Variants in SRGAP3 observed in about 807,000 individuals in gnomAD.
SRGAP3 encodes the protein SLIT-ROBO Rho GTPase-activating protein 3.
Under a neutral mutation model 121.1 loss-of-function variants are expected in SRGAP3, and 39 were observed. That is an observed-to-expected ratio of 0.32 (90% CI 0.25 to 0.42). The LOEUF (loss-of-function observed/expected upper bound fraction) is 0.42, where lower values mean the gene tolerates loss of function less well. Among genes scored for constraint, SRGAP3 ranks in the 10% least tolerant of loss-of-function variants. The pLI, the probability that SRGAP3 is intolerant of heterozygous loss-of-function variation, is 1.00. For missense variants in SRGAP3, 1,213 were observed against 1,470.6 expected (o/e 0.82, Z 2.86); for synonymous variants, 601 against 570.0 (o/e 1.05, Z -0.77).
intron 2 of SRGAP3, among the ~76,000 whole-genome samples, chr3:9,120,387 A>G (rs968472994): frequency 2.6e-5 from 4 of 152,360 alleles, no homozygotes; most frequent in African/African-American, 9.6e-5. Flanking sequence ...AGCCATACCA[A>G]CTACCAGGCC....
At chr3:9,262,534 C>T (rs375232070) in intron 3 of SRGAP3, among the ~76,000 whole-genome samples, 2 of 25,582 alleles carry the variant, frequency 7.8e-5, no homozygotes, top group African/African-American at 2.5e-4. Context: ...AAATGGAAAG[C>T]AAAAAAAAAA....
At chr3:9,018,140 T>C (rs532484971) in intron 14 of SRGAP3, among the ~76,000 whole-genome samples, 1 of 152,366 alleles carries the variant, frequency 6.6e-6, no homozygotes, top group Non-Finnish European at 1.5e-5. Flanking sequence ...TCACTTAACA[T>C]AATGTCCTCC....
intron 3 of SRGAP3, among the ~76,000 whole-genome samples, chr3:9,103,074 C>T (rs537037714): frequency 3.3e-5 from 5 of 152,262 alleles, no homozygotes; most frequent in African/African-American, 9.6e-5. Context: ...CAATATGAAA[C>T]TTAGCCCACA....
chr3:9,191,492 G>A (rs919402653), intron 1 of SRGAP3, among the ~76,000 whole-genome samples: 1 of 152,208 alleles, frequency 6.6e-6, no homozygotes, highest in African/African-American at 2.4e-5. Flanking sequence ...CTATGTACAT[G>A]GGAAGGAGGA....
Position 9,249,361 on chromosome 3 carries a change from C to A in SRGAP3, c.-410G>T. On this transcript the variant is annotated 5_prime_UTR_variant, in exon 1 of 22. Transcript: ENST00000383836. Reference sequence around the variant, plus strand: ...GACACGCACACAGTTGTGCTGTGCACACAGGCATACACACACACACCCTCA... The same window carrying A: ...GACACGCACACAGTTGTGCTGTGCAAACAGGCATACACACACACACCCTCA... 1 of 376,988 alleles carries A rather than the reference C, an allele frequency of 2.7e-6. No homozygotes were observed. Among genetic ancestry groups the A allele is most frequent in the African/African-American group, 2.0e-5 (1 of 49,676 alleles). 23.4% of individuals were successfully genotyped at this position (376,988 alleles called of 1,614,324 possible).
At chr3:9,025,429 G>C in intron 13 of SRGAP3, 91 bp from the exon 14 acceptor site, 1 of 1,331,892 alleles carries the variant, frequency 7.5e-7, no homozygotes, top group South Asian at 1.2e-5. Flanking sequence ...TCTCCCCATT[G>C]CTTGTCTCTT....
At chr3:9,140,923 G>A (rs944318821) in intron 1 of SRGAP3, among the ~76,000 whole-genome samples, 1 of 152,150 alleles carries the variant, frequency 6.6e-6, no homozygotes, top group African/African-American at 2.4e-5. Flanking sequence ...CTCTAGTTGT[G>A]GCAATCCCAT....
intron 1 of SRGAP3, among the ~76,000 whole-genome samples, chr3:9,158,019 C>T (rs1025497559): frequency 2.0e-5 from 3 of 152,160 alleles, no homozygotes; most frequent in African/African-American, 2.4e-5. Context: ...CTAAAATAAC[C>T]CTTCCAGGTA....
At chr3:9,011,650 T>C (rs1403874486) in intron 17 of SRGAP3, among the ~76,000 whole-genome samples, 1 of 152,098 alleles carries the variant, frequency 6.6e-6, no homozygotes, top group Non-Finnish European at 1.5e-5. Context: ...CTGGAGCCAT[T>C]TGTTTCCTGT....
At chr3:9,162,203 T>G (rs545009079) in intron 1 of SRGAP3, among the ~76,000 whole-genome samples, 48 of 152,146 alleles carry the variant, frequency 3.2e-4, no homozygotes, top group Non-Finnish European at 4.9e-4. Context: ...AAAAAAGTTC[T>G]GGAGATGGAT....
intron 3 of SRGAP3, among the ~76,000 whole-genome samples, chr3:9,102,639 G>A (rs996700030): frequency 5.3e-5 from 8 of 152,224 alleles, no homozygotes; most frequent in Admixed American, 3.9e-4. Flanking sequence ...GGCTCCGTCC[G>A]CGCCTCTCTC....
upstream of SRGAP3, among the ~76,000 whole-genome samples, chr3:9,253,543 C>T (rs548212506): frequency 7.9e-5 from 12 of 152,252 alleles, no homozygotes; most frequent in Middle Eastern, 3.4e-3. Flanking sequence ...GTTGAAAGTA[C>T]TTTTATTTTT....
chr3:9,347,931 C>T (rs1955936912), intron 1 of SRGAP3, among the ~76,000 whole-genome samples: 2 of 152,178 alleles, frequency 1.3e-5, no homozygotes, highest in African/African-American at 4.8e-5. Flanking sequence ...TAAATCAGTA[C>T]AACTTGATTT....
intron 8 of SRGAP3, 96 bp from the exon 9 acceptor site, chr3:9,053,320 A>G: frequency 2.4e-6 from 3 of 1,243,980 alleles, no homozygotes; most frequent in Non-Finnish European, 3.4e-6. Flanking sequence ...CTTCTTCCAT[A>G]TGAAGTCCCT....
chr3:9,300,438 GA>G (rs1386055933), intron 3 of SRGAP3, among the ~76,000 whole-genome samples: 1 of 151,802 alleles, frequency 6.6e-6, no homozygotes, highest in Non-Finnish European at 1.5e-5. Flanking sequence ...CCCAGACAGT[GA>G]GGCATCTGCC....
At chr3:9,201,032 A>T (rs945097891) in intron 1 of SRGAP3, among the ~76,000 whole-genome samples, 1 of 152,210 alleles carries the variant, frequency 6.6e-6, no homozygotes, top group African/African-American at 2.4e-5. Flanking sequence ...CCCTCAAGCC[A>T]ATTCCAGAGG....
chr3:9,110,750 A>T (rs1948594028), intron 2 of SRGAP3, among the ~76,000 whole-genome samples: 1 of 152,258 alleles, frequency 6.6e-6, no homozygotes. Context: ...GTAGTCTAAA[A>T]GGCTGGGGTG....
At chr3:9,262,042 T>TG (rs367767884) in intron 3 of SRGAP3, among the ~76,000 whole-genome samples, 1 of 151,802 alleles carries the variant, frequency 6.6e-6, no homozygotes, top group Non-Finnish European at 1.5e-5. Context: ...CAGAACAGAG[T>TG]GGGGGCCCAT....
chr3:9,347,934 C>A (rs1473580115), intron 1 of SRGAP3, among the ~76,000 whole-genome samples: 2 of 152,206 alleles, frequency 1.3e-5, no homozygotes, highest in African/African-American at 4.8e-5. Context: ...ATCAGTACAA[C>A]TTGATTTTGC....
Sources: gnomAD v4.1 joint callset for allele counts (sites outside exome capture counted in the v4.1 genomes callset) on GRCh38, gnomAD v4.1.1 for gene constraint, MANE v1.5 for transcripts, NCBI Gene and HGNC (gene_info 2026-07-23, HGNC 2026-07-21) for gene names.